ACAD10: variants seen among roughly 807,000 people sequenced by gnomAD.
The protein encoded by ACAD10 is ACAD-10.
Under a neutral mutation model 116.8 loss-of-function variants are expected in ACAD10, and 112 were observed. That is an observed-to-expected ratio of 0.96 (90% CI 0.82 to 1.12). The LOEUF is 1.12. Ranked by LOEUF, ACAD10 falls within the 50% of genes most tolerant of loss-of-function variation. The pLI, the probability that ACAD10 is intolerant of heterozygous loss-of-function variation, is 0.00. For synonymous variants in ACAD10, 486 were observed against 510.6 expected (o/e 0.95, Z 0.65); for missense variants, 1,259 against 1,350.2 (o/e 0.93, Z 1.06).
intron 11 of ACAD10, 111 bp downstream of exon 11, chr12:111,734,179 CCTGGTGGTT>C: frequency 6.8e-7 from 1 of 1,461,820 alleles, no homozygotes; most frequent in Non-Finnish European, 9.3e-7. Context: ...AAAGTGAGGT[CCTGGTGGTT>C]CTGGTGGGAA....
chr12:111,748,333 T>G lies in ACAD10; in HGVS notation c.2502T>G (p.Arg834=), dbSNP rs1350191910. 6.2e-7 allele frequency: 1 copy of G among 1,614,166 alleles called. No individual in the cohort carries two copies. The highest frequency in any genetic ancestry group is 1.7e-5 in the Admixed American group (1 of 60,022). ...KWWITGILDP[R]CQLCVFMGKT... ...TCCTGGCAGGCATCCTGGATCCTCG[T>G]TGCCAACTCTGTGTGTTTATGGGAA... Residue 834 remains arginine (R), a synonymous_variant, in exon 17 of 21, where the codon CGT becomes CGG. Transcript: ENST00000313698.
chr12:111,706,777 TA>T (rs1432781592), intron 4 of ACAD10, among the ~76,000 whole-genome samples: 20 of 120,064 alleles, frequency 1.7e-4, no homozygotes, highest in African/African-American at 6.9e-4. Flanking sequence ...TATATATATA[TA>T]TATATTTTTT....
intron 5 of ACAD10, among the ~76,000 whole-genome samples, chr12:111,710,862 G>A (rs77585612): frequency 0.016 from 2,380 of 152,142 alleles, 73 homozygotes; most frequent in African/African-American, 0.054. Flanking sequence ...TCCCACCTCA[G>A]GCTTCCCAAG....
At chr12:111,738,337 T>A (rs1465123353) in intron 12 of ACAD10, among the ~76,000 whole-genome samples, 1 of 151,442 alleles carries the variant, frequency 6.6e-6, no homozygotes, top group Non-Finnish European at 1.5e-5. Flanking sequence ...TCCCAGCTAC[T>A]TGGGAGACTG....
intron 1 of ACAD10, among the ~76,000 whole-genome samples, chr12:111,691,751 T>C (rs1043985141): frequency 2.7e-5 from 4 of 150,772 alleles, no homozygotes; most frequent in Non-Finnish European, 4.4e-5. Flanking sequence ...CCCAACACCA[T>C]GCCCAGGTTA....
rs140625855 is a variant in ACAD10 at position 111,752,278 on chromosome 12, T to TTTG, written c.2818-1470_2818-1468dup. ...TGTTAGCTTTGATGCAAAATAATGT[T>TTTG]TTGTTGTTGTTGTTGTTGTTGTTGT... On this transcript the variant is annotated intron_variant, in intron 18 of 20. Transcript: ENST00000313698. Among the ~76,000 whole-genome samples the TTTG allele has an allele frequency of 8.6e-3, 1,295 of 151,458 alleles. 8 individuals carry two copies. The highest frequency in any genetic ancestry group is 0.011 in the Non-Finnish European group (738 of 67,832).
chr12:111,707,977 C>T (rs372148838), intron 4 of ACAD10, among the ~76,000 whole-genome samples: 3 of 152,322 alleles, frequency 2.0e-5, no homozygotes, highest in East Asian at 1.9e-4. Flanking sequence ...TACCCCAAGA[C>T]GCAGTGAGGG....
rs543152352 is a variant in ACAD10 at position 111,725,596 on chromosome 12, G to A, written c.1062-2366G>A. ...GTTGCCCAGGCTGGAGCGAAATGGC[G>A]CGGTCTGGGCACACTGCAACCTCTG... On this transcript the variant is annotated intron_variant, in intron 8 of 20. Transcript: ENST00000313698. Among the ~76,000 whole-genome samples, 384 of 151,526 alleles carry A rather than the reference G, an allele frequency of 2.5e-3. 4 individuals are homozygous for A. Among genetic ancestry groups the A allele is most frequent in the African/African-American group, 8.7e-3 (359 of 41,260 alleles).
At chr12:111,753,738 C>A in intron 18 of ACAD10, 34 bp from the exon 19 acceptor site, 1 of 1,613,588 alleles carries the variant, frequency 6.2e-7, no homozygotes, top group Non-Finnish European at 8.5e-7. Flanking sequence ...CCCAGCCCAG[C>A]ATGTCCTCAG....
Position 111,734,001 on chromosome 12 carries a change from C to T in ACAD10, c.1473C>T (p.Asp491=). ...ACTGGGAACTTTCTACCTTGGGCGA[C>T]CCCCTTGCTGATGTGGCCTACAGCT... ...VLDWELSTLG[D]PLADVAYSCL... Residue 491 remains aspartate (D), a synonymous_variant, in exon 11 of 21, where the codon GAC becomes GAT. Transcript: ENST00000313698. 6.2e-7 allele frequency: 1 copy of T among 1,614,234 alleles called. No individual in the cohort carries two copies. Among genetic ancestry groups the T allele is most frequent in the Non-Finnish European group, 8.5e-7 (1 of 1,180,040 alleles).
At chr12:111,745,466 A>T (rs976306007) in intron 13 of ACAD10, 1 of 249,470 alleles carries the variant, frequency 4.0e-6, no homozygotes, top group Admixed American at 5.1e-5. Flanking sequence ...CTGTCACTTC[A>T]GCTGATAAAC....
intron 8 of ACAD10, among the ~76,000 whole-genome samples, chr12:111,723,684 ACCCC>A (rs374895437): frequency 7.8e-4 from 66 of 84,194 alleles, no homozygotes; most frequent in Admixed American, 3.4e-3. Flanking sequence ...CGGGGGGCTG[ACCCC>A]CCCCCCCACC....
chr12:111,750,304 G>A (rs1365310534), intron 18 of ACAD10, among the ~76,000 whole-genome samples: 1 of 150,394 alleles, frequency 6.6e-6, no homozygotes, highest in African/African-American at 2.4e-5. Context: ...TGTTAGCCAG[G>A]ATGGTTTCGA....
intron 6 of ACAD10, among the ~76,000 whole-genome samples, chr12:111,714,246 A>AC (rs1413270981): frequency 7.3e-6 from 1 of 136,708 alleles, no homozygotes; most frequent in Non-Finnish European, 1.6e-5. Flanking sequence ...CTCTGTCTCC[A>AC]AAAAAAAAAA....
chr12:111,716,372 A>G (rs1392674861), intron 7 of ACAD10, among the ~76,000 whole-genome samples: 3 of 152,280 alleles, frequency 2.0e-5, no homozygotes, highest in African/African-American at 7.2e-5. Context: ...CCCTGCTCCA[A>G]TCCCCCAAAA....
chr12:111,737,108 C>A, intron 12 of ACAD10, 104 bp downstream of exon 12: 1 of 1,091,106 alleles, frequency 9.2e-7, no homozygotes, highest in Non-Finnish European at 1.3e-6. Flanking sequence ...TTGGAGAGAC[C>A]GATTTGGCCA....
Position 111,747,125 on chromosome 12 carries a change from G to T in ACAD10, c.2333G>T (p.Arg778Leu), listed in dbSNP as rs775714851. The T allele has an allele frequency of 6.2e-7, 1 of 1,613,298 alleles. No homozygotes were observed. The change falls in exon 15 of 21, where the codon CGC becomes CTC. Residue 778 changes from arginine to leucine, a missense_variant. Physicochemically the swap from Arg to Leu is moderately radical, Grantham distance 102. Transcript: ENST00000313698. ...VRYGTEAQKA[R>L]WLIPLLEGKA... ...TATGGCACCGAAGCGCAGAAGGCTC[G>T]CTGGCTGATTCCTCTGCTGGAGGGG... is the stretch of plus-strand genomic sequence containing the variant.
chr12:111,693,337 A>G (rs1209723295), intron 2 of ACAD10, among the ~76,000 whole-genome samples: 3 of 152,144 alleles, frequency 2.0e-5, no homozygotes, highest in Non-Finnish European at 4.4e-5. Context: ...CCAGGAGTTC[A>G]AGACCAGCCT....
intron 11 of ACAD10, among the ~76,000 whole-genome samples, chr12:111,734,834 T>C (rs2037117931): frequency 6.6e-6 from 1 of 152,262 alleles, no homozygotes; most frequent in Admixed American, 6.5e-5. Flanking sequence ...ATGCTTTTTT[T>C]CACTTCATTG....
Sources: allele counts gnomAD v4.1 joint callset (sites outside exome capture counted in the v4.1 genomes callset), GRCh38; gene constraint gnomAD v4.1.1; transcripts MANE v1.5; gene names NCBI Gene and HGNC (gene_info 2026-07-23, HGNC 2026-07-21).